The following SUMF1 variants were observed in gnomAD, a reference collection of about 807,000 sequenced individuals.
SUMF1 encodes the protein sulfatase modifying factor 1, also known as formylglycine-generating enzyme.
SUMF1 carries 48 observed loss-of-function variants against 47.6 expected under a neutral mutation model. The observed-to-expected ratio is 1.01, with a 90% confidence interval of 0.80 to 1.28. The LOEUF (loss-of-function observed/expected upper bound fraction) is 1.28, where lower values mean the gene tolerates loss of function less well. SUMF1 is among the 50% of genes most tolerant of loss of function. The pLI is 0.00. For synonymous variants in SUMF1, 230 were observed against 192.1 expected, an observed-to-expected ratio of 1.20 and a Z score of -1.63; for missense variants, 571 against 485.4, an observed-to-expected ratio of 1.18 and a Z score of -1.66.
At chr3:4,211,670 A>C (rs1451083087) in intron 8 of SUMF1, among the ~76,000 whole-genome samples, 1 of 152,164 alleles carries the variant, frequency 6.6e-6, no homozygotes, top group Non-Finnish European at 1.5e-5. Flanking sequence ...TAGACTATAA[A>C]CTACAAGGTA....
chr3:4,418,524 AG>A (rs1404826905), intron 4 of SUMF1, among the ~76,000 whole-genome samples: 1 of 152,208 alleles, frequency 6.6e-6, no homozygotes, highest in African/African-American at 2.4e-5. Context: ...CAACCACAGC[AG>A]GGGCATACAG....
chr3:4,455,739 A>T (rs1703139575), intron 1 of SUMF1, among the ~76,000 whole-genome samples: 1 of 152,100 alleles, frequency 6.6e-6, no homozygotes, highest in Middle Eastern at 3.4e-3. Flanking sequence ...TAATAATAAT[A>T]ATTTTCCATC....
intron 8 of SUMF1, among the ~76,000 whole-genome samples, chr3:4,269,299 T>C (rs1196299188): frequency 6.6e-6 from 1 of 152,140 alleles, no homozygotes; most frequent in East Asian, 1.9e-4. Context: ...ATGTTAATGC[T>C]ATCCCTCCCC....
At chr3:4,367,168 G>A (rs575871096) in intron 8 of SUMF1, among the ~76,000 whole-genome samples, 2 of 152,130 alleles carry the variant, frequency 1.3e-5, no homozygotes, top group Non-Finnish European at 2.9e-5. Flanking sequence ...GGGGGTCAGG[G>A]GTCAGGGACC....
intron 8 of SUMF1, among the ~76,000 whole-genome samples, chr3:4,106,306 T>G (rs144733500): frequency 2.6e-5 from 4 of 152,086 alleles, no homozygotes; most frequent in Non-Finnish European, 4.4e-5. Context: ...GATAAAGATA[T>G]CCGTTTGTAG....
At chr3:4,136,819 A>G (rs1243777622) in intron 8 of SUMF1, among the ~76,000 whole-genome samples, 2 of 151,996 alleles carry the variant, frequency 1.3e-5, no homozygotes, top group Non-Finnish European at 2.9e-5. Context: ...AAGGATATGA[A>G]CAGACACTTC....
chr3:4,339,933 C>T (rs1393419602), intron 8 of SUMF1, among the ~76,000 whole-genome samples: 4 of 151,998 alleles, frequency 2.6e-5, no homozygotes, highest in Non-Finnish European at 5.9e-5. Context: ...AAAAATTAAC[C>T]GGGTGTGGTT....
At chr3:4,311,065 G>A (rs1282011806) in intron 8 of SUMF1, among the ~76,000 whole-genome samples, 1 of 152,122 alleles carries the variant, frequency 6.6e-6, no homozygotes, top group Non-Finnish European at 1.5e-5. Flanking sequence ...AAAGCTGTAA[G>A]AAACAACACA....
At chr3:4,111,203 G>T (rs1473185403) in intron 8 of SUMF1, among the ~76,000 whole-genome samples, 1 of 151,778 alleles carries the variant, frequency 6.6e-6, no homozygotes, top group African/African-American at 2.4e-5. Context: ...TGGAACTTGG[G>T]TATAGGAAAA....
In SUMF1 at chr3:4,433,843, C is replaced by G. The variant is rs1702311368; in HGVS notation, c.520-13697G>C. ...GAAGGAATTAGACTCACTTCCATCACTAGAAGTCAAAGAACACACCCCACT... is the reference window on the plus strand; with the variant it reads ...GAAGGAATTAGACTCACTTCCATCAGTAGAAGTCAAAGAACACACCCCACT... On this transcript the variant is annotated intron_variant, in intron 3 of 8. Transcript: ENST00000272902. Among the ~76,000 whole-genome samples, 2 of 152,212 alleles carry G rather than the reference C, an allele frequency of 1.3e-5. 1 individual carries two copies. The highest frequency in any genetic ancestry group is 1.3e-4 in the Admixed American group (2 of 15,290).
intron 8 of SUMF1, among the ~76,000 whole-genome samples, chr3:4,272,877 C>A (rs1697330713): frequency 6.6e-6 from 1 of 151,840 alleles, no homozygotes; most frequent in Non-Finnish European, 1.5e-5. Context: ...AGTTTGAGAC[C>A]AACCTGGGCA....
At chr3:4,067,759 G>C (rs184771163) in intron 9 of SUMF1, among the ~76,000 whole-genome samples, 1 of 152,196 alleles carries the variant, frequency 6.6e-6, no homozygotes, top group Non-Finnish European at 1.5e-5. Context: ...CAGGTGCCCA[G>C]CCCTACTCAA....
rs150404254 is a variant in SUMF1, at chr3:4,311,844, G to C, written c.1014+64486C>G. ...ATAAAATGGTTTGAGTTCTATGTAA[G>C]CAAGAATTACTATATACATAAAAAA... On this transcript the variant is annotated intron_variant and NMD_transcript_variant, in intron 8 of 12. Transcript: ENST00000448413. 1.6e-3 allele frequency among the ~76,000 whole-genome samples: 236 copies of C among 152,222 alleles called. 1 individual carries two copies. Among genetic ancestry groups the C allele is most frequent in the African/African-American group, 5.5e-3 (227 of 41,544 alleles).
At chr3:4,356,265 C>T (rs576800419), downstream of SUMF1, among the ~76,000 whole-genome samples, 46 of 152,286 alleles carry the variant, frequency 3.0e-4, no homozygotes, top group Non-Finnish European at 5.9e-4. Context: ...TAAGTTTTAA[C>T]AAATAAAATT....
intron 8 of SUMF1, among the ~76,000 whole-genome samples, chr3:4,102,385 G>T (rs1172153884): frequency 1.3e-5 from 2 of 152,054 alleles, no homozygotes; most frequent in African/African-American, 2.4e-5. Context: ...AAGAACATAA[G>T]TTCCTCTAGA....
intron 7 of SUMF1, among the ~76,000 whole-genome samples, chr3:4,381,359 G>A (rs994010978): frequency 2.0e-5 from 3 of 152,148 alleles, no homozygotes; most frequent in East Asian, 3.9e-4. Context: ...GGGGGTGACG[G>A]ATAAAAGGCT....
At chr3:4,316,643 CAACG>C in intron 8 of SUMF1, 1 of 1,551,242 alleles carries the variant, frequency 6.4e-7, no homozygotes, top group Non-Finnish European at 8.7e-7. Flanking sequence ...TACGCAACCA[CAACG>C]AACCATTTCT....
intron 8 of SUMF1, among the ~76,000 whole-genome samples, chr3:4,145,984 G>GA (rs1295788956): frequency 6.6e-6 from 1 of 152,042 alleles, no homozygotes; most frequent in African/African-American, 2.4e-5. Context: ...AACAGAGAGG[G>GA]AAAATCCACT....
intron 1 of SUMF1, among the ~76,000 whole-genome samples, chr3:4,456,811 T>C (rs1332975508): frequency 1.0e-4 from 15 of 149,506 alleles, no homozygotes; most frequent in African/African-American, 2.9e-4. Flanking sequence ...TGTATATATA[T>C]ACGTGTGTGT....
Sources: gnomAD v4.1 joint callset for allele counts (sites outside exome capture counted in the v4.1 genomes callset) on GRCh38, gnomAD v4.1.1 for gene constraint, MANE v1.5 for transcripts, NCBI Gene and HGNC (gene_info 2026-07-23, HGNC 2026-07-21) for gene names.